Variants in SYN2 observed in about 807,000 individuals in gnomAD.
The protein encoded by SYN2 is synapsin-2.
Under a neutral mutation model 50.9 loss-of-function variants are expected in SYN2, and 19 were observed. The ratio of observed to expected loss-of-function variants is 0.37; its 90% CI spans 0.26 to 0.55. The LOEUF (loss-of-function observed/expected upper bound fraction) is 0.55, where lower values mean the gene tolerates loss of function less well. Among genes scored for constraint, SYN2 ranks in the 20% least tolerant of loss-of-function variants. SYN2 has a pLI of 0.81. For synonymous variants in SYN2, 255 were observed against 224.9 expected (o/e 1.13, Z -1.20); for missense variants, 587 against 576.4 (o/e 1.02, Z -0.19).
chr3:12,111,041 A>C (rs905529544), intron 1 of SYN2, among the ~76,000 whole-genome samples: 53 of 152,058 alleles, frequency 3.5e-4, no homozygotes, highest in African/African-American at 1.1e-3. Flanking sequence ...GTTTGGGAGG[A>C]GCCAGGGGTG....
chr3:12,104,570 CTTTTTTTT>C (rs796837275), intron 1 of SYN2, among the ~76,000 whole-genome samples: 3 of 81,716 alleles, frequency 3.7e-5, no homozygotes, highest in African/African-American at 5.0e-5. Flanking sequence ...CTTTTCTTTT[CTTTTTTTT>C]TTTTTTTTTT....
chr3:12,053,268 A>G (rs960801786), intron 1 of SYN2, among the ~76,000 whole-genome samples: 3 of 152,066 alleles, frequency 2.0e-5, no homozygotes, highest in African/African-American at 7.2e-5. Flanking sequence ...TAAAAATGCA[A>G]AAATTAGCCA....
intron 1 of SYN2, among the ~76,000 whole-genome samples, chr3:12,050,191 G>A (rs1694824925): frequency 6.6e-6 from 1 of 151,070 alleles, no homozygotes; most frequent in Admixed American, 6.6e-5. Flanking sequence ...ATGAGCCACC[G>A]AACCCAGCCT....
chr3:12,011,970 C>T (rs1051393717), intron 1 of SYN2, among the ~76,000 whole-genome samples: 1 of 152,170 alleles, frequency 6.6e-6, no homozygotes, highest in African/African-American at 2.4e-5. Flanking sequence ...CTGTTTCCAG[C>T]CGCAGGTATC....
At chr3:12,159,005 C>G in intron 5 of SYN2, 1 of 1,027,762 alleles carries the variant, frequency 9.7e-7, no homozygotes, top group Non-Finnish European at 1.3e-6. Context: ...CTAGGCCACC[C>G]GCGGAGGCAG....
At chr3:12,096,759 G>A (rs1419770596) in intron 1 of SYN2, among the ~76,000 whole-genome samples, 1 of 151,112 alleles carries the variant, frequency 6.6e-6, no homozygotes, top group Non-Finnish European at 1.5e-5. Flanking sequence ...CAGTTTAAAA[G>A]TTAGTAACAA....
chr3:12,190,425 A>G, intron 12 of SYN2, 65 bp from the exon 13 acceptor site: 1 of 1,584,324 alleles, frequency 6.3e-7, no homozygotes, highest in Middle Eastern at 1.9e-4. Context: ...TCCTCACGTC[A>G]CCGTCCTTCC....
At chr3:12,011,971 C>T (rs1266209718) in intron 1 of SYN2, among the ~76,000 whole-genome samples, 3 of 152,098 alleles carry the variant, frequency 2.0e-5, no homozygotes, top group Non-Finnish European at 2.9e-5. Flanking sequence ...TGTTTCCAGC[C>T]GCAGGTATCT....
intron 1 of SYN2, among the ~76,000 whole-genome samples, chr3:12,089,037 C>A (rs1695771444): frequency 6.6e-6 from 1 of 152,056 alleles, no homozygotes; most frequent in South Asian, 2.1e-4. Flanking sequence ...GTTTTCACCA[C>A]AAAAAACAAT....
At chr3:12,177,157 G>C (rs1698093820) in intron 10 of SYN2, among the ~76,000 whole-genome samples, 3 of 152,104 alleles carry the variant, frequency 2.0e-5, no homozygotes, top group African/African-American at 2.4e-5. Context: ...GTCCTTTTTT[G>C]TACTGGTTCT....
intron 1 of SYN2, among the ~76,000 whole-genome samples, chr3:12,135,914 A>G (rs571284537): frequency 6.6e-6 from 1 of 152,378 alleles, no homozygotes; most frequent in South Asian, 2.1e-4. Context: ...CCTAGAGCAT[A>G]TAATCAAACA....
Position 12,141,997 on chromosome 3 carries a change from G to GT in SYN2, c.527+2dup. ...TCCGGAATGGCACAAAGGTTGTCCG[G>GT]TAAGGGTCTTTCTGTCCTCAGGATC... On this transcript the variant is annotated splice_donor_variant, in intron 3 of 12. Transcript: ENST00000621198. LOFTEE classifies it high-confidence loss of function. 1.3e-6 allele frequency: 1 copy of GT among 780,794 alleles called. No individual in the cohort carries two copies. The allele number at this position is 780,794 out of a possible 1,614,324, so 48.4% of individuals were successfully genotyped here.
chr3:12,112,532 A>G (rs961897708), intron 1 of SYN2, among the ~76,000 whole-genome samples: 1 of 152,156 alleles, frequency 6.6e-6, no homozygotes, highest in Non-Finnish European at 1.5e-5. Context: ...ATTAAAATAT[A>G]AAAGTACTAA....
In SYN2 at chr3:12,130,237, CGTGTGT is replaced by C. The variant is rs34883251; in HGVS notation, c.378-10404_378-10399del. ...AGAGATGTGTATGCATCTCTGTGTG[CGTGTGT>C]GTGTGTGTGCATGTGTGTGTGTTAT... On this transcript the variant is annotated intron_variant, in intron 1 of 12. Transcript: ENST00000621198. Among the ~76,000 whole-genome samples, 5 of 149,228 alleles carry C rather than the reference CGTGTGT, an allele frequency of 3.4e-5. No individual in the cohort carries two copies. In the East Asian group the frequency reaches 9.9e-4, roughly 30 times the overall value.
intron 1 of SYN2, among the ~76,000 whole-genome samples, chr3:12,067,044 A>G (rs1290614999): frequency 1.3e-5 from 2 of 152,128 alleles, no homozygotes; most frequent in Non-Finnish European, 2.9e-5. Context: ...TCTCACAAGA[A>G]CAGCATGGGG....
chr3:12,070,858 A>G (rs1267628391), intron 1 of SYN2: 12 of 577,818 alleles, frequency 2.1e-5, no homozygotes, highest in Middle Eastern at 3.2e-4. Flanking sequence ...TGAGTGGGAG[A>G]TCTTGGGTGA....
Position 12,131,640 on chromosome 3 carries a change from G to A in SYN2, c.378-9011G>A, listed in dbSNP as rs181817858. On this transcript the variant is annotated intron_variant, in intron 1 of 12. Transcript: ENST00000621198. ...ATCTTCCCGTCATGTGTTCTCCTGA[G>A]TTACAGGATTCTTTTTTTTTTTCCT... Among the ~76,000 whole-genome samples the A allele has an allele frequency of 8.2e-5, 12 of 145,874 alleles. No homozygotes were observed. In the East Asian group the frequency reaches 2.4e-3, roughly 29 times the overall value.
chr3:12,168,237 T>C, intron 8 of SYN2, 139 bp from the exon 9 acceptor site: 1 of 692,064 alleles, frequency 1.4e-6, no homozygotes, highest in Non-Finnish European at 2.6e-6. Context: ...TAAGGGTATG[T>C]GCTTGATACG....
At chr3:12,073,370 A>G (rs1695404147) in intron 1 of SYN2, among the ~76,000 whole-genome samples, 1 of 152,198 alleles carries the variant, frequency 6.6e-6, no homozygotes, top group African/African-American at 2.4e-5. Flanking sequence ...ACCTGTATGT[A>G]TAACACCACT....
Sources: allele counts gnomAD v4.1 joint callset (sites outside exome capture counted in the v4.1 genomes callset), GRCh38; gene constraint gnomAD v4.1.1; transcripts MANE v1.5; gene names NCBI Gene and HGNC (gene_info 2026-07-23, HGNC 2026-07-21).